The following BCKDHB variants were observed in gnomAD, a reference collection of about 807,000 sequenced individuals.
BCKDHB encodes 2-oxoisovalerate dehydrogenase subunit beta, mitochondrial.
A neutral mutation model predicts 48.5 loss-of-function variants in BCKDHB; 41 were observed. The observed-to-expected ratio is 0.85, with a 90% CI of 0.66 to 1.10. The LOEUF (loss-of-function observed/expected upper bound fraction) is 1.10. BCKDHB is among the 50% of genes least tolerant of loss of function. The pLI, the probability that BCKDHB is intolerant of heterozygous loss-of-function variation, is 0.00. For synonymous variants in BCKDHB, 201 were observed against 174.8 expected (o/e 1.15, Z -1.18); for missense variants, 496 against 494.2 (o/e 1.00, Z -0.03).
At chr6:80,364,555 G>A in the BCKDHB span, among the ~76,000 whole-genome samples, 13 of 152,298 alleles carry the variant, frequency 8.5e-5, no homozygotes, top group African/African-American at 3.1e-4. Flanking sequence ...GTATTCATTA[G>A]TCTATTTCAG....
chr6:80,129,372 T>C, intron 3 of BCKDHB, 143 bp downstream of exon 3: 1 of 684,304 alleles, frequency 1.5e-6, no homozygotes, highest in Non-Finnish European at 2.6e-6. Flanking sequence ...ACCCGCAGAA[T>C]CCTTTGGCCT....
At chr6:80,310,077 C>G (rs7756067) in intron 9 of BCKDHB, among the ~76,000 whole-genome samples, 1 of 151,328 alleles carries the variant, frequency 6.6e-6, no homozygotes, top group South Asian at 2.1e-4. Context: ...ATATATACAA[C>G]ATTTTCTTTT....
chr6:80,327,923 C>A (rs1192742062), intron 9 of BCKDHB, among the ~76,000 whole-genome samples: 1 of 137,236 alleles, frequency 7.3e-6, no homozygotes, highest in Non-Finnish European at 1.6e-5. Context: ...CTTCTCCCCT[C>A]CCCTCCCTCC....
chr6:80,409,658 C>T, the BCKDHB span, among the ~76,000 whole-genome samples: 1 of 119,882 alleles, frequency 8.3e-6, no homozygotes, highest in Non-Finnish European at 1.7e-5. Flanking sequence ...TGTTGAATTG[C>T]TTCCTTTACC....
chr6:80,124,290 G>A (rs1770212517), intron 1 of BCKDHB, among the ~76,000 whole-genome samples: 1 of 152,116 alleles, frequency 6.6e-6, no homozygotes, highest in Non-Finnish European at 1.5e-5. Context: ...TTTTACATTT[G>A]CTGAAAAGTG....
chr6:80,405,936 C>T, the BCKDHB span, among the ~76,000 whole-genome samples: 1 of 152,146 alleles, frequency 6.6e-6, no homozygotes, highest in East Asian at 1.9e-4. Flanking sequence ...ATCAACTTGT[C>T]ATTTACATTA....
chr6:80,447,960 G>A, the BCKDHB span, among the ~76,000 whole-genome samples: 1 of 151,938 alleles, frequency 6.6e-6, no homozygotes, highest in Non-Finnish European at 1.5e-5. Context: ...GCCAAACATG[G>A]TAATAGATGG....
At position 80,321,699 on chromosome 6, in the gene BCKDHB, A is replaced by C. The variant is rs575371251; in HGVS notation, c.1039-21965A>C. Among the ~76,000 whole-genome samples, 8 of 152,340 alleles carry C rather than the reference A, an allele frequency of 5.3e-5. 1 individual carries two copies. The East Asian group carries it at 1.5e-3, about 29-fold the overall frequency. On this transcript the variant is annotated intron_variant, in intron 9 of 9. Coordinates refer to ENST00000320393, the MANE Select transcript of BCKDHB (RefSeq NM_183050.4). ...AATCCCTTAAATGAAAAATAGTTTT[A>C]AGTGTATCCCAACTAATATGAAACA...
downstream of BCKDHB, among the ~76,000 whole-genome samples, chr6:80,349,798 C>G (rs1276855603): frequency 6.6e-6 from 1 of 151,964 alleles, no homozygotes; most frequent in Non-Finnish European, 1.5e-5. Context: ...TTTACAGTTA[C>G]AAAAGATATG....
intron 8 of BCKDHB, among the ~76,000 whole-genome samples, chr6:80,239,708 T>A (rs912870085): frequency 6.6e-6 from 1 of 152,092 alleles, no homozygotes; most frequent in Non-Finnish European, 1.5e-5. Context: ...ATTGCCTAGG[T>A]TTTCTTCTAG....
chr6:80,421,175 G>A, the BCKDHB span, among the ~76,000 whole-genome samples: 1 of 152,030 alleles, frequency 6.6e-6, no homozygotes, highest in South Asian at 2.1e-4. Context: ...GAGTTCTCAT[G>A]GATCTGATGG....
chr6:80,361,899 GGAGAGAGCTA>G, the BCKDHB span, among the ~76,000 whole-genome samples: 4 of 152,278 alleles, frequency 2.6e-5, no homozygotes, highest in South Asian at 8.3e-4. Context: ...AACACGCATG[GGAGAGAGCTA>G]GAGAGTTGCT....
the BCKDHB span, among the ~76,000 whole-genome samples, chr6:80,424,997 G>A: frequency 3.9e-4 from 59 of 152,226 alleles, 1 homozygote; most frequent in East Asian, 0.011. Context: ...TTATTAAATT[G>A]TACTAATGCA....
At chr6:80,291,635 T>G (rs1751749296) in intron 9 of BCKDHB, among the ~76,000 whole-genome samples, 1 of 152,154 alleles carries the variant, frequency 6.6e-6, no homozygotes, top group African/African-American at 2.4e-5. Flanking sequence ...TTGATCTAAT[T>G]TCTACATTAT....
intron 9 of BCKDHB, among the ~76,000 whole-genome samples, chr6:80,319,091 A>C (rs1464618658): frequency 6.6e-6 from 1 of 152,214 alleles, no homozygotes; most frequent in African/African-American, 2.4e-5. Context: ...AGGGTTGAGC[A>C]GCAGATGTCA....
intron 1 of BCKDHB, among the ~76,000 whole-genome samples, chr6:80,110,315 A>G (rs544627385): frequency 1.2e-4 from 18 of 152,230 alleles, no homozygotes; most frequent in Non-Finnish European, 2.2e-4. Context: ...GGATGTGATC[A>G]TGGACCTGTC....
At chr6:80,116,929 G>A (rs1769737744) in intron 1 of BCKDHB, among the ~76,000 whole-genome samples, 1 of 152,086 alleles carries the variant, frequency 6.6e-6, no homozygotes, top group Non-Finnish European at 1.5e-5. Context: ...TCTTACTATG[G>A]CAGACATAAG....
chr6:80,273,880 A>G (rs567647494), intron 9 of BCKDHB, among the ~76,000 whole-genome samples: 18 of 152,112 alleles, frequency 1.2e-4, no homozygotes, highest in African/African-American at 4.3e-4. Flanking sequence ...TATCATAGAC[A>G]TATATAAGAT....
At chr6:80,338,529 C>G (rs556539146) in intron 9 of BCKDHB, among the ~76,000 whole-genome samples, 139 of 152,272 alleles carry the variant, frequency 9.1e-4, no homozygotes, top group Non-Finnish European at 1.1e-3. Flanking sequence ...TCATACAGGC[C>G]TTACGTATTT....
Sources: gnomAD v4.1 joint callset for allele counts (sites outside exome capture counted in the v4.1 genomes callset) on GRCh38, gnomAD v4.1.1 for gene constraint, MANE v1.5 for transcripts, NCBI Gene and HGNC (gene_info 2026-07-23, HGNC 2026-07-21) for gene names.